The following USH1C variants were observed in gnomAD, a reference collection of about 807,000 sequenced individuals.
The protein encoded by USH1C is USH1 protein network component harmonin.
Under a neutral mutation model 119.3 loss-of-function variants are expected in USH1C, and 90 were observed. That is an observed-to-expected ratio of 0.75 (90% CI 0.64 to 0.90). The LOEUF is 0.90. Among genes scored for constraint, USH1C ranks in the 40% least tolerant of loss-of-function variants. The pLI is 0.00. For synonymous variants in USH1C, 465 were observed against 443.3 expected (o/e 1.05, Z -0.62); for missense variants, 1,165 against 1,167.7 (o/e 1.00, Z 0.03).
At chr11:17,505,002 CA>C (rs1849594844) in intron 19 of USH1C, among the ~76,000 whole-genome samples, 1 of 152,232 alleles carries the variant, frequency 6.6e-6, no homozygotes, top group South Asian at 2.1e-4. Context: ...ATAAATATCT[CA>C]GCTGTCCTGC....
chr11:17,506,069 T>C (rs1250966853), intron 18 of USH1C, 120 bp from the exon 19 acceptor site: 2 of 1,442,684 alleles, frequency 1.4e-6, no homozygotes, highest in African/African-American at 1.4e-5. Flanking sequence ...AGCCTGGTCA[T>C]TCAACTGCTC....
At chr11:17,544,169 G>A (rs1851598372) in intron 1 of USH1C, 103 bp downstream of exon 1, 5 of 1,502,232 alleles carry the variant, frequency 3.3e-6, no homozygotes, top group South Asian at 1.1e-5. Flanking sequence ...GAGCCATCAG[G>A]TGGGGCCGGA....
rs371626423 is a variant in USH1C, at chr11:17,501,973, C to T, written c.2192G>A (p.Arg731Gln). ...GGGGTCAAAGCCTTCCTCATATTTC[C>T]GGAAATCCTGGAAGCAAAGGGAGGG... ...VYQTAFRQDF[R>Q]KYEEGFDPYS... The change falls in exon 21 of 27, where the codon CGG (arginine) becomes CAG (glutamine). Residue 731 changes from arginine (R) to glutamine (Q), a missense_variant. Transcript: ENST00000005226. 4.8e-5 allele frequency: 77 copies of T among 1,613,694 alleles called. No individual in the cohort carries two copies. Among genetic ancestry groups the T allele is most frequent in the African/African-American group, 6.7e-5 (5 of 75,012 alleles).
Position 17,509,450 on chromosome 11 carries a change from G to A in USH1C, c.1919C>T (p.Thr640Ile). The change falls in exon 18 of 27, where the codon ACA (threonine) becomes ATA (isoleucine). Residue 640 changes from threonine (T) to isoleucine (I), a missense_variant. Transcript: ENST00000005226. ...CTCCCAGTCCTCCACTGGATTGCCT[G>A]TGTCCCCAGTGCGGAAGGGATGGTT... ...LSNHPFRTGD[T>I]GNPVEDWEAK... 1 of 1,612,616 alleles carries A rather than the reference G, an allele frequency of 6.2e-7. No individual in the cohort carries two copies. Among genetic ancestry groups the A allele is most frequent in the Non-Finnish European group, 8.5e-7 (1 of 1,179,184 alleles).
At chr11:17,528,543 G>A (rs1592017241) in intron 4 of USH1C, among the ~76,000 whole-genome samples, 1 of 152,332 alleles carries the variant, frequency 6.6e-6, no homozygotes, top group South Asian at 2.1e-4. Flanking sequence ...GGCTTAACTC[G>A]AAACACACGT....
At chr11:17,528,551 C>T (rs899997781) in intron 4 of USH1C, among the ~76,000 whole-genome samples, 3 of 152,230 alleles carry the variant, frequency 2.0e-5, no homozygotes, top group African/African-American at 7.2e-5. Context: ...TCGAAACACA[C>T]GTGCTCACCC....
chr11:17,511,638 G>T (rs944211678), intron 16 of USH1C, among the ~76,000 whole-genome samples: 8 of 152,112 alleles, frequency 5.3e-5, no homozygotes, highest in African/African-American at 1.9e-4. Flanking sequence ...GACCAAGGAG[G>T]CTAGTTTCAA....
At chr11:17,544,079 G>A (rs1272265788) in intron 1 of USH1C, among the ~76,000 whole-genome samples, 193 bp downstream of exon 1, 1 of 152,248 alleles carries the variant, frequency 6.6e-6, no homozygotes, top group Non-Finnish European at 1.5e-5. Context: ...CTTGAGCCGG[G>A]AGTCCCCGCA....
chr11:17,527,141 C>G, intron 5 of USH1C, 82 bp downstream of exon 5: 2 of 904,086 alleles, frequency 2.2e-6, no homozygotes, highest in Non-Finnish European at 1.4e-6. Flanking sequence ...CTCCCTCCCA[C>G]CGTCATGGAG....
intron 15 of USH1C, among the ~76,000 whole-genome samples, chr11:17,513,885 G>T (rs758478681): frequency 1.3e-5 from 2 of 152,210 alleles, no homozygotes; most frequent in Non-Finnish European, 2.9e-5. Context: ...GCTTCTGGGT[G>T]GGGTAGTAGA....
rs1849309094 is a variant in USH1C at position 17,498,213 on chromosome 11, G to A, written c.2439C>T (p.Tyr813=). 6.2e-7 allele frequency: 1 copy of A among 1,614,170 alleles called. No homozygotes were observed. The highest frequency in any genetic ancestry group is 1.3e-5 in the African/African-American group (1 of 75,044). ...GGGCAGCCTCAGCCTCAGCCAGGGT[G>A]TAGTCTGTCACAATCTTGCCGTTGA... is the stretch of plus-strand genomic sequence containing the variant. ...MAINGKIVTD[Y]TLAEAEAALQ... is the part of the protein sequence containing the mutation. The change falls in exon 24 of 27, where the codon TAC becomes TAT. Residue 813 remains tyrosine, a synonymous_variant. Coordinates refer to ENST00000005226, the MANE Select transcript of USH1C (RefSeq NM_153676.4).
intron 1 of USH1C, 106 bp from the exon 2 acceptor site, chr11:17,533,428 A>G (rs1459203537): frequency 6.1e-6 from 5 of 820,970 alleles, no homozygotes; most frequent in Non-Finnish European, 1.0e-5. Context: ...GCAGCTTTTC[A>G]GGGCTGGAGT....
intron 18 of USH1C, among the ~76,000 whole-genome samples, chr11:17,508,926 CT>C (rs998630172): frequency 2.6e-5 from 4 of 152,296 alleles, no homozygotes; most frequent in African/African-American, 4.8e-5. Context: ...CCTCCCCTCC[CT>C]TTTTTTCCCG....
At position 17,510,452 on chromosome 11, in the gene USH1C, G is replaced by A; in HGVS notation, c.1483C>T (p.Gln495Ter). 1.2e-6 allele frequency: 2 copies of A among 1,613,132 alleles called. No individual in the cohort carries two copies. The highest frequency in any genetic ancestry group is 1.7e-6 in the Non-Finnish European group (2 of 1,179,888). Reference protein sequence around the residue: ...KIQYWVERLCQTRLEQISSAD... With the variant: ...KIQYWVERLC Reference sequence around the variant, plus strand: ...GAGGAAATCTGCTCGAGGCGCGTTTGACAGAGCCTCTCCACCCAATATTGA... The same window carrying A: ...GAGGAAATCTGCTCGAGGCGCGTTTAACAGAGCCTCTCCACCCAATATTGA... Residue 495 changes from glutamine to a stop codon, truncating the protein, a stop_gained, in exon 17 of 27, where the codon CAA becomes TAA. Coordinates refer to ENST00000005226, the MANE Select transcript of USH1C (RefSeq NM_153676.4). LOFTEE classifies it high-confidence loss of function.
intron 1 of USH1C, among the ~76,000 whole-genome samples, chr11:17,535,398 C>T (rs947537906): frequency 2.0e-5 from 3 of 151,972 alleles, no homozygotes; most frequent in Non-Finnish European, 4.4e-5. Flanking sequence ...AGAGGTCTTC[C>T]CTGCTCACCT....
intron 1 of USH1C, among the ~76,000 whole-genome samples, chr11:17,537,877 G>A (rs941367538): frequency 5.3e-5 from 8 of 152,172 alleles, no homozygotes; most frequent in African/African-American, 1.2e-4. Flanking sequence ...CCACTTTACA[G>A]ATGAGGAAAC....
intron 1 of USH1C, among the ~76,000 whole-genome samples, chr11:17,538,560 G>C (rs1851321217): frequency 6.6e-6 from 1 of 152,180 alleles, no homozygotes; most frequent in Non-Finnish European, 1.5e-5. Flanking sequence ...GGCTGTTGCG[G>C]GGATTAAATG....
rs1301172020 is a variant in USH1C at position 17,499,455 on chromosome 11, CAG to C, written c.2381-1186_2381-1185del. Among the ~76,000 whole-genome samples, 23 of 152,118 alleles carry C rather than the reference CAG, an allele frequency of 1.5e-4. No individual in the cohort carries two copies. The East Asian group carries it at 4.2e-3, about 28-fold the overall frequency. ...CTTTTCATTTTGTACAAATCCATGA[CAG>C]AGTCTCAGGGGCAATAAGGCAGTGG... On this transcript the variant is annotated intron_variant, in intron 23 of 26. Coordinates refer to ENST00000005226, the MANE Select transcript of USH1C (RefSeq NM_153676.4).
At chr11:17,513,565 C>T (rs368644131) in intron 15 of USH1C, among the ~76,000 whole-genome samples, 20 of 152,270 alleles carry the variant, frequency 1.3e-4, no homozygotes, top group African/African-American at 4.8e-4. Flanking sequence ...AAATGGTCAC[C>T]TCTGGGACCC....
Sources: gnomAD v4.1 joint callset for allele counts (sites outside exome capture counted in the v4.1 genomes callset) on GRCh38, gnomAD v4.1.1 for gene constraint, MANE v1.5 for transcripts, NCBI Gene and HGNC (gene_info 2026-07-23, HGNC 2026-07-21) for gene names.